Variants in GSAP observed in about 807,000 individuals in gnomAD.
GSAP encodes gamma-secretase-activating protein.
In GSAP, 118 loss-of-function variants were observed where a neutral mutation model predicts 131.7. That is an observed-to-expected ratio of 0.90 (90% CI 0.77 to 1.04). The LOEUF (loss-of-function observed/expected upper bound fraction) is 1.04, where lower values mean the gene tolerates loss of function less well. GSAP is among the 50% of genes least tolerant of loss of function. The pLI is 0.00. For missense variants in GSAP, 1,019 were observed against 1,013.2 expected, an observed-to-expected ratio of 1.01 and a Z score of -0.08; for synonymous variants, 381 against 363.4, an observed-to-expected ratio of 1.05 and a Z score of -0.55.
intron 8 of GSAP, among the ~76,000 whole-genome samples, chr7:77,378,162 C>T (rs969178151): frequency 6.6e-6 from 1 of 152,178 alleles, no homozygotes; most frequent in Non-Finnish European, 1.5e-5. Context: ...TAGCATGTAA[C>T]AGTGCTCAAG....
chr7:77,396,991 G>T lies in GSAP; in HGVS notation c.358C>A (p.Leu120Ile). The change falls in exon 5 of 31, where the codon CTT (leucine) becomes ATT (isoleucine). Residue 120 changes from leucine to isoleucine, a missense_variant. By Grantham distance (5) the Leu-to-Ile change is conservative. Transcript: ENST00000257626. ...QSTKEGKRNE[L>I]QPGSKCLTLL... ...AGTGTAATTTCATTACCTGGTTGAAGTTCGTTCCTTTTTCCTTCTTTAGTA... is the reference window on the plus strand; with the variant it reads ...AGTGTAATTTCATTACCTGGTTGAATTTCGTTCCTTTTTCCTTCTTTAGTA... 6.3e-7 allele frequency: 1 copy of T among 1,596,224 alleles called. No individual in the cohort carries two copies. The highest frequency in any genetic ancestry group is 1.3e-5 in the African/African-American group (1 of 74,650).
rs57095326 is a variant in GSAP, at chr7:77,414,844, C to CTTTTTTTTTTTTTTTTTTTTTTT, written c.109+1346_109+1368dup. On this transcript the variant is annotated intron_variant, in intron 1 of 30. Coordinates refer to ENST00000257626, the MANE Select transcript of GSAP (RefSeq NM_017439.4). ...AAAAACTTTTCAGACATGTGGGCGA[C>CTTTTTTTTTTTTTTTTTTTTTTT]TTTTTTTTTTTTTTTTTTTTTTTTT... 6.7e-5 allele frequency among the ~76,000 whole-genome samples: 4 copies of CTTTTTTTTTTTTTTTTTTTTTTT among 59,876 alleles called. 2 individuals are homozygous for CTTTTTTTTTTTTTTTTTTTTTTT. The highest frequency in any genetic ancestry group is 1.4e-3 in the East Asian group (2 of 1,454). The allele number at this position is 59,876 out of a possible 152,430, so 39.3% of individuals were successfully genotyped here. A position where few individuals can be genotyped will look rare whatever the true frequency, so the allele number is the denominator to read the frequency against.
chr7:77,339,618 T>TA (rs1398088868), intron 19 of GSAP, among the ~76,000 whole-genome samples: 1 of 151,780 alleles, frequency 6.6e-6, no homozygotes, highest in Non-Finnish European at 1.5e-5. Context: ...CAGAGCCAAA[T>TA]ACAAAAGCTA....
rs79142419 is a variant in GSAP, at chr7:77,365,953, G to A, written c.872-3293C>T. On this transcript the variant is annotated intron_variant, in intron 12 of 30. Coordinates refer to ENST00000257626, the MANE Select transcript of GSAP (RefSeq NM_017439.4). ...TAATAATAGCCATTCTGACTGGTAT[G>A]AGATGGTATCTCATTGTAACCTCTA... Among the ~76,000 whole-genome samples, 328 of 135,508 alleles carry A rather than the reference G, an allele frequency of 2.4e-3. 3 individuals carry two copies. The highest frequency in any genetic ancestry group is 0.016 in the East Asian group (68 of 4,218). 88.9% of individuals were successfully genotyped at this position (135,508 alleles called of 152,430 possible). A position where few individuals can be genotyped will look rare whatever the true frequency, so the allele number is the denominator to read the frequency against.
At chr7:77,390,527 T>C (rs1055963392) in intron 5 of GSAP, among the ~76,000 whole-genome samples, 3 of 152,200 alleles carry the variant, frequency 2.0e-5, no homozygotes, top group African/African-American at 7.2e-5. Context: ...CCCAGCACCA[T>C]TTATTAAATA....
chr7:77,392,082 G>A (rs1018835548), intron 5 of GSAP, among the ~76,000 whole-genome samples: 7 of 151,494 alleles, frequency 4.6e-5, no homozygotes, highest in Non-Finnish European at 7.4e-5. Flanking sequence ...AAAATTAGCC[G>A]GAAGTGGTGG....
chr7:77,319,673 G>A (rs190355540), intron 26 of GSAP, among the ~76,000 whole-genome samples: 204 of 152,294 alleles, frequency 1.3e-3, no homozygotes, highest in Admixed American at 3.3e-3. Flanking sequence ...GATGAAGAAA[G>A]TGTAGAATTT....
chr7:77,365,911 T>G (rs531620424), intron 12 of GSAP, among the ~76,000 whole-genome samples: 13 of 150,670 alleles, frequency 8.6e-5, no homozygotes, highest in South Asian at 2.1e-4. Flanking sequence ...TTTTTTTTTT[T>G]TTTTTTTTTT....
intron 22 of GSAP, chr7:77,328,266 AG>A: frequency 9.4e-7 from 1 of 1,066,440 alleles, no homozygotes; most frequent in Non-Finnish European, 1.1e-6. Context: ...TCAGACAGCT[AG>A]AAAGCAAGCA....
intron 23 of GSAP, among the ~76,000 whole-genome samples, chr7:77,325,005 G>C (rs531112327): frequency 3.6e-4 from 55 of 151,780 alleles, no homozygotes; most frequent in Non-Finnish European, 4.9e-4. Flanking sequence ...TAGTAGAGAC[G>C]GTGTTTCACC....
intron 3 of GSAP, among the ~76,000 whole-genome samples, chr7:77,398,794 GAC>G (rs1338357279): frequency 5.9e-5 from 9 of 152,146 alleles, no homozygotes; most frequent in African/African-American, 1.7e-4. Flanking sequence ...CAAAAGAAAT[GAC>G]AGTCTTTTAT....
intron 1 of GSAP, among the ~76,000 whole-genome samples, chr7:77,406,771 C>T (rs1007461437): frequency 1.3e-5 from 2 of 152,100 alleles, no homozygotes; most frequent in Admixed American, 6.5e-5. Flanking sequence ...AGGGACCCTC[C>T]CAAAAAGGTT....
intron 23 of GSAP, 36 bp downstream of exon 23, chr7:77,326,176 G>C: frequency 5.5e-6 from 8 of 1,445,932 alleles, no homozygotes; most frequent in Non-Finnish European, 7.7e-6. Context: ...AGGGTTCCTT[G>C]TTTGCCAGCC....
chr7:77,313,502 C>T lies in GSAP; in HGVS notation c.2257G>A (p.Val753Met), dbSNP rs770952267. The T allele has an allele frequency of 6.4e-7, 1 of 1,564,504 alleles. No individual in the cohort carries two copies. Among genetic ancestry groups the T allele is most frequent in the East Asian group, 2.2e-5 (1 of 44,560 alleles). Residue 753 changes from valine to methionine, a missense_variant, in exon 28 of 31, where the codon GTG (valine) becomes ATG (methionine). Val to Met is a conservative substitution (Grantham distance 21). Coordinates refer to ENST00000257626, the MANE Select transcript of GSAP (RefSeq NM_017439.4). ...KNEKLKFSII[V>M]RLPPLIGQKI... ...CTCAGTATTACCGGAGGAAGCCGCA[C>T]AATGATACTGAATTTCAGTTTTTCA... is the stretch of plus-strand genomic sequence containing the variant.
Position 77,328,148 on chromosome 7 carries a change from C to T in GSAP, c.1765+458G>A, listed in dbSNP as rs11977897. 1,621 of 919,962 alleles carry T rather than the reference C, an allele frequency of 1.8e-3. 15 individuals are homozygous for T. Among genetic ancestry groups the T allele is most frequent in the African/African-American group, 0.012 (684 of 56,120 alleles). 57.0% of individuals were successfully genotyped at this position (919,962 alleles called of 1,614,324 possible). A position where few individuals can be genotyped will look rare whatever the true frequency, so the allele number is the denominator to read the frequency against. Reference sequence around the variant, plus strand: ...GCTCTCAAGCCTGTGCTCTTTCCCCCAGAACCACACTGCTTACCTGGAAGC... The same window carrying T: ...GCTCTCAAGCCTGTGCTCTTTCCCCTAGAACCACACTGCTTACCTGGAAGC... On this transcript the variant is annotated intron_variant, in intron 22 of 30. Transcript: ENST00000257626.
At chr7:77,381,273 C>A (rs745526911) in intron 8 of GSAP, 32 bp downstream of exon 8, 1 of 1,320,946 alleles carries the variant, frequency 7.6e-7, no homozygotes, top group Non-Finnish European at 1.1e-6. Flanking sequence ...GAAAAAAAAA[C>A]CTATGAAGCG....
intron 19 of GSAP, among the ~76,000 whole-genome samples, chr7:77,339,789 T>C (rs542046512): frequency 6.6e-6 from 1 of 152,352 alleles, no homozygotes; most frequent in South Asian, 2.1e-4. Flanking sequence ...AGCTAAATCA[T>C]ATTCTTAGAA....
chr7:77,321,407 G>T lies in GSAP; in HGVS notation c.1924-4C>A. On this transcript the variant is annotated splice_region_variant and splice_polypyrimidine_tract_variant and intron_variant, in intron 24 of 30. Transcript: ENST00000257626. ...CGATGTGGCAAATGAGATCCAGCTG[G>T]AGGGTGAAGACAGTCCATTAACCAT... 6.3e-7 allele frequency: 1 copy of T among 1,591,394 alleles called. No homozygotes were observed. The highest frequency in any genetic ancestry group is 8.6e-7 in the Non-Finnish European group (1 of 1,159,496).
In GSAP at chr7:77,310,762, G is replaced by GT. The variant is rs1396805744; in HGVS notation, c.*595dup. On this transcript the variant is annotated 3_prime_UTR_variant, in exon 31 of 31. Transcript: ENST00000257626. ...AGTCAGGCCAAAACTATGTTTTCAG[G>GT]TTTTTTAATGACTGACAAAATATTC... 1 of 152,080 alleles carries GT rather than the reference G, an allele frequency of 6.6e-6. No individual in the cohort carries two copies. The highest frequency in any genetic ancestry group is 1.9e-4 in the East Asian group (1 of 5,200). 9.4% of individuals were successfully genotyped at this position (152,080 alleles called of 1,614,324 possible).
Sources: allele counts gnomAD v4.1 joint callset (sites outside exome capture counted in the v4.1 genomes callset), GRCh38; gene constraint gnomAD v4.1.1; transcripts MANE v1.5; gene names NCBI Gene and HGNC (gene_info 2026-07-23, HGNC 2026-07-21).